Variants in COL24A1 observed in about 807,000 individuals in gnomAD.
The protein encoded by COL24A1 is collagen alpha-1(XXIV) chain.
A neutral mutation model predicts 253.9 loss-of-function variants in COL24A1; 224 were observed. The observed-to-expected ratio is 0.88, with a 90% CI of 0.79 to 0.99. The LOEUF (loss-of-function observed/expected upper bound fraction) is 0.99. Ranked by LOEUF, COL24A1 falls within the 50% of genes least tolerant of loss-of-function variation. The pLI, the probability that COL24A1 is intolerant of heterozygous loss-of-function variation, is 0.00. For synonymous variants in COL24A1, 685 were observed against 673.7 expected, an observed-to-expected ratio of 1.02 and a Z score of -0.26; for missense variants, 2,131 against 2,068.5, an observed-to-expected ratio of 1.03 and a Z score of -0.59.
chr1:85,848,045 C>T (rs984834204), intron 38 of COL24A1, among the ~76,000 whole-genome samples: 1 of 152,052 alleles, frequency 6.6e-6, no homozygotes, highest in African/African-American at 2.4e-5. Context: ...TTGAATTTTG[C>T]TATATATGTA....
intron 57 of COL24A1, among the ~76,000 whole-genome samples, chr1:85,742,667 C>T (rs1664776708): frequency 6.6e-6 from 1 of 152,026 alleles, no homozygotes; most frequent in Non-Finnish European, 1.5e-5. Flanking sequence ...AAAATTGCAT[C>T]TCCTGTTAAC....
chr1:85,825,779 T>G (rs1167675745), intron 43 of COL24A1, among the ~76,000 whole-genome samples: 22 of 121,060 alleles, frequency 1.8e-4, no homozygotes, highest in Non-Finnish European at 3.5e-4. Context: ...TTGTTTGTTT[T>G]TTTCTTGTAA....
chr1:85,919,468 C>T (rs1241750098), intron 24 of COL24A1, among the ~76,000 whole-genome samples: 4 of 152,174 alleles, frequency 2.6e-5, no homozygotes. Context: ...TGCTTGAAGC[C>T]AGGAGTTCAA....
intron 47 of COL24A1, among the ~76,000 whole-genome samples, chr1:85,791,253 A>T (rs2101667588): frequency 6.6e-6 from 1 of 152,204 alleles, no homozygotes. Context: ...TCAAGGAGTC[A>T]ATGCTGAGTA....
At chr1:86,107,745 C>T (rs927849609) in intron 5 of COL24A1, among the ~76,000 whole-genome samples, 7 of 151,932 alleles carry the variant, frequency 4.6e-5, no homozygotes. Flanking sequence ...CCGTGTTAGC[C>T]AGGATGGTCT....
intron 19 of COL24A1, among the ~76,000 whole-genome samples, chr1:86,007,373 G>C (rs545679021): frequency 6.6e-6 from 1 of 152,224 alleles, no homozygotes; most frequent in Non-Finnish European, 1.5e-5. Flanking sequence ...ATTGCCAGTT[G>C]GAATGCAAAA....
intron 37 of COL24A1, among the ~76,000 whole-genome samples, chr1:85,850,843 A>T (rs974274873): frequency 3.9e-5 from 6 of 152,122 alleles, no homozygotes; most frequent in African/African-American, 1.4e-4. Flanking sequence ...AGCTCAAAAT[A>T]TGCTAGTCGT....
At chr1:85,782,298 G>C (rs2101569363) in intron 51 of COL24A1, among the ~76,000 whole-genome samples, 1 of 152,242 alleles carries the variant, frequency 6.6e-6, no homozygotes, top group South Asian at 2.1e-4. Flanking sequence ...ATATTGATCA[G>C]GCTAGTCTCA....
At chr1:85,736,327 T>C (rs957482650) in intron 58 of COL24A1, 2 of 456,150 alleles carry the variant, frequency 4.4e-6, no homozygotes, top group Non-Finnish European at 8.8e-6. Context: ...GATTTGGTCA[T>C]GGAAACAACT....
At chr1:85,835,150 T>G (rs1675854204) in intron 43 of COL24A1, among the ~76,000 whole-genome samples, 1 of 152,088 alleles carries the variant, frequency 6.6e-6, no homozygotes, top group African/African-American at 2.4e-5. Context: ...AGATGGAGTC[T>G]TGCTCTGTTG....
At chr1:85,924,027 G>A (rs1382166974) in intron 24 of COL24A1, among the ~76,000 whole-genome samples, 2 of 152,160 alleles carry the variant, frequency 1.3e-5, no homozygotes, top group Non-Finnish European at 1.5e-5. Context: ...TACCATCAGA[G>A]AATACTATAA....
intron 48 of COL24A1, 43 bp from the exon 49 acceptor site, chr1:85,784,409 A>G: frequency 1.4e-6 from 2 of 1,436,988 alleles, no homozygotes; most frequent in East Asian, 2.3e-5. Flanking sequence ...ATCAGAACAT[A>G]TAAACATATT....
chr1:85,774,617 G>C (rs1668331620), intron 53 of COL24A1, among the ~76,000 whole-genome samples: 1 of 152,148 alleles, frequency 6.6e-6, no homozygotes, highest in East Asian at 1.9e-4. Context: ...TATGTGTCCA[G>C]GAATTTATCC....
At chr1:85,776,630 A>G (rs1377474588) in intron 52 of COL24A1, among the ~76,000 whole-genome samples, 1 of 151,876 alleles carries the variant, frequency 6.6e-6, no homozygotes, top group Non-Finnish European at 1.5e-5. Context: ...TATTTAATAT[A>G]CTATGATAAT....
At chr1:86,130,849 T>A (rs1649061156) in intron 2 of COL24A1, among the ~76,000 whole-genome samples, 1 of 151,970 alleles carries the variant, frequency 6.6e-6, no homozygotes, top group Non-Finnish European at 1.5e-5. Flanking sequence ...ATATTTTTCT[T>A]TTTCCCACAT....
intron 53 of COL24A1, among the ~76,000 whole-genome samples, chr1:85,767,630 T>C (rs1667517886): frequency 6.6e-6 from 1 of 152,146 alleles, no homozygotes; most frequent in Non-Finnish European, 1.5e-5. Context: ...ATAATTGTAA[T>C]GTGCCAGTTA....
intron 24 of COL24A1, among the ~76,000 whole-genome samples, chr1:85,939,290 T>C (rs114709374): frequency 0.042 from 6,432 of 152,256 alleles, 223 homozygotes; most frequent in African/African-American, 0.09. Context: ...AATGTTCACT[T>C]ATGCTTGATG....
chr1:85,762,877 A>G (rs1044450518), intron 53 of COL24A1, among the ~76,000 whole-genome samples: 3 of 152,204 alleles, frequency 2.0e-5, no homozygotes, highest in African/African-American at 4.8e-5. Flanking sequence ...AACAATTTCT[A>G]CTGCTGATTT....
At position 85,987,617 on chromosome 1, in the gene COL24A1, C is replaced by T. The variant is rs1040334019; in HGVS notation, c.2348G>A (p.Gly783Asp). Residue 783 changes from glycine to aspartate, a missense_variant, in exon 20 of 60, where the codon GGC becomes GAC. Physicochemically the swap from Gly to Asp is moderately conservative, Grantham distance 94. Coordinates refer to ENST00000370571, the MANE Select transcript of COL24A1 (RefSeq NM_152890.7). ...TCTTCTTACCTTTGGTCCTTCAGGG[C>T]CGTTTTGTCCAGGAATCCCAATATC... is the stretch of plus-strand genomic sequence containing the variant. ...PGDIGIPGQN[G>D]PEGPKGLLGN... The T allele has an allele frequency of 6.2e-7, 1 of 1,610,718 alleles. No homozygotes were observed. Among genetic ancestry groups the T allele is most frequent in the Admixed American group, 1.7e-5 (1 of 59,688 alleles).
Sources: gnomAD v4.1 joint callset for allele counts (sites outside exome capture counted in the v4.1 genomes callset) on GRCh38, gnomAD v4.1.1 for gene constraint, MANE v1.5 for transcripts, NCBI Gene and HGNC (gene_info 2026-07-23, HGNC 2026-07-21) for gene names.